GCA: variants seen among roughly 807,000 people sequenced by gnomAD.
GCA encodes grancalcin, EF-hand calcium-binding protein.
GCA carries 30 observed loss-of-function variants against 32.6 expected under a neutral mutation model. The observed-to-expected ratio is 0.92, with a 90% CI of 0.69 to 1.25. The LOEUF (loss-of-function observed/expected upper bound fraction) is 1.25. Among genes scored for constraint, GCA ranks in the 50% most tolerant of loss-of-function variants. The pLI, the probability that GCA is intolerant of heterozygous loss-of-function variation, is 0.00. For synonymous variants in GCA, 102 were observed against 84.6 expected (o/e 1.21, Z -1.13); for missense variants, 291 against 266.8 (o/e 1.09, Z -0.63).
chr2:162,356,409 C>A (rs772166663), intron 3 of GCA, 29 bp from the exon 4 acceptor site: 3 of 1,378,850 alleles, frequency 2.2e-6, no homozygotes, highest in Non-Finnish European at 3.1e-6. Flanking sequence ...TGGGCATACT[C>A]TAATTTAAAT....
chr2:162,350,493 C>T (rs1684936833), intron 2 of GCA, among the ~76,000 whole-genome samples: 1 of 152,136 alleles, frequency 6.6e-6, no homozygotes, highest in Non-Finnish European at 1.5e-5. Flanking sequence ...GGTACCTTAA[C>T]TGTTCTACTC....
chr2:162,333,631 AT>A (rs1334456387), intron 1 of GCA, among the ~76,000 whole-genome samples: 1 of 152,158 alleles, frequency 6.6e-6, no homozygotes, highest in Non-Finnish European at 1.5e-5. Context: ...TTTTTAAATT[AT>A]CAAGTGATTC....
At chr2:162,337,556 G>T (rs1335031035) in intron 1 of GCA, among the ~76,000 whole-genome samples, 1 of 152,096 alleles carries the variant, frequency 6.6e-6, no homozygotes, top group Non-Finnish European at 1.5e-5. Context: ...GAGCTTTATG[G>T]CTAAAAGACA....
chr2:162,359,677 A>G, intron 7 of GCA, 125 bp downstream of exon 7: 1 of 459,366 alleles, frequency 2.2e-6, no homozygotes, highest in Non-Finnish European at 4.0e-6. Flanking sequence ...ACTTTTCCAT[A>G]TTTTTCAGTG....
intron 3 of GCA, among the ~76,000 whole-genome samples, chr2:162,355,206 C>T (rs998268152): frequency 1.3e-5 from 2 of 152,118 alleles, no homozygotes; most frequent in Non-Finnish European, 2.9e-5. Flanking sequence ...AACTATTATA[C>T]GTTTAGCATG....
chr2:162,344,422 G>A (rs975273562), intron 1 of GCA, 147 bp downstream of exon 1: 4 of 738,976 alleles, frequency 5.4e-6, no homozygotes, highest in African/African-American at 5.3e-5. Flanking sequence ...GGCTGTTGGG[G>A]GCCAGGGCCT....
chr2:162,326,731 TG>T (rs1156453037), intron 1 of GCA, among the ~76,000 whole-genome samples: 1 of 152,196 alleles, frequency 6.6e-6, no homozygotes, highest in Non-Finnish European at 1.5e-5. Context: ...TTGGCCAGGC[TG>T]GTCTCAAACT....
chr2:162,334,387 C>T (rs774076242), intron 1 of GCA, among the ~76,000 whole-genome samples: 30 of 152,048 alleles, frequency 2.0e-4, no homozygotes, highest in Non-Finnish European at 2.6e-4. Context: ...TAACCTTCTA[C>T]TTCATTACCT....
chr2:162,356,906 G>A lies in GCA; in HGVS notation c.454+1G>A. ...TTGCGTCAAGCCATTGGTCTTATGG[G>A]TAAGAACATTAACATTCTTTAGAAT... On this transcript the variant is annotated splice_donor_variant, in intron 5 of 7. Transcript: ENST00000437150. LOFTEE classifies it high-confidence loss of function. 1.3e-6 allele frequency: 2 copies of A among 1,585,526 alleles called. No homozygotes were observed. The highest frequency in any genetic ancestry group is 1.7e-6 in the Non-Finnish European group (2 of 1,158,870).
At chr2:162,371,360 T>C (rs1397747920) in exon 5 of GCA, 2 of 1,288,748 alleles carry the variant, frequency 1.6e-6, no homozygotes, top group East Asian at 1.1e-4. Context: ...AAGACCTGAA[T>C]CTGTGTGCAA....
intron 1 of GCA, among the ~76,000 whole-genome samples, chr2:162,334,709 A>T (rs1037683011): frequency 6.6e-6 from 1 of 152,196 alleles, no homozygotes; most frequent in Non-Finnish European, 1.5e-5. Flanking sequence ...CTTCACAAGG[A>T]CAGGCAACAT....
chr2:162,373,702 A>C, downstream of GCA: 1 of 1,343,070 alleles, frequency 7.4e-7, no homozygotes, highest in Non-Finnish European at 9.7e-7. Flanking sequence ...AGTCTAAAAT[A>C]GTCCAGAATT....
At chr2:162,324,155 T>A (rs1049261755) in intron 1 of GCA, among the ~76,000 whole-genome samples, 1 of 152,124 alleles carries the variant, frequency 6.6e-6, no homozygotes, top group Non-Finnish European at 1.5e-5. Context: ...TACAGGGTGA[T>A]CTTTTAGTTT....
intron 1 of GCA, among the ~76,000 whole-genome samples, chr2:162,337,452 C>G (rs1684304434): frequency 6.6e-6 from 1 of 152,320 alleles, no homozygotes; most frequent in Non-Finnish European, 1.5e-5. Context: ...TATGTCAACA[C>G]TTTTGTAAAT....
chr2:162,371,374 T>G, exon 5 of GCA: 2 of 1,287,758 alleles, frequency 1.6e-6, no homozygotes, highest in Non-Finnish European at 2.0e-6. Context: ...TGTGCAAAAG[T>G]GACTAAGTTC....
intron 1 of GCA, among the ~76,000 whole-genome samples, chr2:162,338,444 C>T (rs1485149260): frequency 6.6e-6 from 1 of 152,126 alleles, no homozygotes; most frequent in Non-Finnish European, 1.5e-5. Flanking sequence ...ATGGGATAAG[C>T]ATCAACATAA....
At chr2:162,367,318 G>A (rs1013259059), downstream of GCA, among the ~76,000 whole-genome samples, 1 of 151,774 alleles carries the variant, frequency 6.6e-6, no homozygotes, top group African/African-American at 2.4e-5. Context: ...GAAAACCATT[G>A]CAACTGTAAA....
At chr2:162,328,694 T>C (rs1683975739) in intron 1 of GCA, among the ~76,000 whole-genome samples, 1 of 152,198 alleles carries the variant, frequency 6.6e-6, no homozygotes, top group Non-Finnish European at 1.5e-5. Context: ...TTGCTATCTA[T>C]AGATGGCTTG....
intron 1 of GCA, among the ~76,000 whole-genome samples, chr2:162,331,049 T>G (rs1684061893): frequency 6.6e-6 from 1 of 152,254 alleles, no homozygotes; most frequent in Non-Finnish European, 1.5e-5. Flanking sequence ...CTAACATACT[T>G]ATTTTCTTTT....
Sources: gnomAD v4.1 joint callset for allele counts (sites outside exome capture counted in the v4.1 genomes callset) on GRCh38, gnomAD v4.1.1 for gene constraint, MANE v1.5 for transcripts, NCBI Gene and HGNC (gene_info 2026-07-23, HGNC 2026-07-21) for gene names.